Variants in LRRC41 observed in about 807,000 individuals in gnomAD.
LRRC41 encodes the protein leucine rich repeat containing 41.
Under a neutral mutation model 72.1 loss-of-function variants are expected in LRRC41, and 17 were observed. The observed-to-expected ratio is 0.24, with a 90% CI of 0.16 to 0.35. The LOEUF (loss-of-function observed/expected upper bound fraction) is 0.35, where lower values mean the gene tolerates loss of function less well. Ranked by LOEUF, LRRC41 falls within the 10% of genes least tolerant of loss-of-function variation. LRRC41 has a pLI of 1.00. For synonymous variants in LRRC41, 427 were observed against 431.0 expected (o/e 0.99, Z 0.11); for missense variants, 759 against 1,065.0 (o/e 0.71, Z 4.00).
rs772721506 is a variant in LRRC41, at chr1:46,285,329, T to G, written c.1495+33A>C. 1.2e-6 allele frequency: 2 copies of G among 1,608,692 alleles called. No homozygotes were observed. Among genetic ancestry groups the G allele is most frequent in the South Asian group, 2.2e-5 (2 of 90,208 alleles). ...ACACAGCTGGTGCTGCTAGGCAATC[T>G]AAGCCCAATCCCTGCCACTCCAGGG... On this transcript the variant is annotated intron_variant, in intron 4 of 9. Transcript: ENST00000617190. This position sits in a 1 kb window ranked among gnomAD's most constrained non-coding sequence, Gnocchi z 5.3.
At chr1:46,295,480 G>A (rs575475156) in intron 3 of LRRC41, among the ~76,000 whole-genome samples, 23 of 152,304 alleles carry the variant, frequency 1.5e-4, no homozygotes, top group African/African-American at 5.3e-4. Context: ...GCATGGAACT[G>A]AGCAGGCACT....
At chr1:46,289,857 G>A (rs1239700986) in intron 3 of LRRC41, among the ~76,000 whole-genome samples, 3 of 152,216 alleles carry the variant, frequency 2.0e-5, no homozygotes, top group Non-Finnish European at 4.4e-5. Flanking sequence ...CTATCACGAT[G>A]CAAAGTGATT....
At position 46,278,270 on chromosome 1, in the gene LRRC41, G is replaced by T; in HGVS notation, c.*595C>A. ...ACCAGCGTTCTCATGAGGAGCAGCG[G>T]GGCCTCCGCTGATAACCAGCTGGTC... is the stretch of plus-strand genomic sequence containing the variant. On this transcript the variant is annotated 3_prime_UTR_variant, in exon 10 of 10. Coordinates refer to ENST00000617190, the MANE Select transcript of LRRC41 (RefSeq NM_006369.5). The T allele has an allele frequency of 1.2e-6, 2 of 1,612,832 alleles. No individual in the cohort carries two copies. The highest frequency in any genetic ancestry group is 1.7e-6 in the Non-Finnish European group (2 of 1,179,652).
At chr1:46,300,249 T>C (rs1661196691) in intron 1 of LRRC41, 1 of 152,250 alleles carries the variant, frequency 6.6e-6, no homozygotes, top group East Asian at 1.9e-4. Context: ...GGAGAATTGC[T>C]TGAGCCCAGA....
At position 46,297,548 on chromosome 1, in the gene LRRC41, G is replaced by A. The variant is rs1426603441; in HGVS notation, c.357+15C>T. The A allele has an allele frequency of 2.5e-6, 4 of 1,610,808 alleles. No individual in the cohort carries two copies. In the African/African-American group the frequency reaches 4.0e-5, roughly 16 times the overall value. ...GCAAAATCAGGCTAGCATTCTACCT[G>A]ATACCTTAACTTACTTCCAAACTGG... On this transcript the variant is annotated intron_variant, in intron 3 of 9. Coordinates refer to ENST00000617190, the MANE Select transcript of LRRC41 (RefSeq NM_006369.5).
intron 3 of LRRC41, among the ~76,000 whole-genome samples, chr1:46,296,058 A>C (rs1275247482): frequency 6.6e-6 from 1 of 152,152 alleles, no homozygotes; most frequent in Non-Finnish European, 1.5e-5. Flanking sequence ...CAACCTTCTT[A>C]CTATCCTCTA....
chr1:46,282,883 AT>A (rs1305218402), intron 4 of LRRC41, among the ~76,000 whole-genome samples: 1 of 152,076 alleles, frequency 6.6e-6, no homozygotes, highest in Non-Finnish European at 1.5e-5. Flanking sequence ...AAATACAAAA[AT>A]TAGCTGGGCA....
At chr1:46,280,030 A>C (rs1660736649) in intron 7 of LRRC41, among the ~76,000 whole-genome samples, 162 bp downstream of exon 7, 1 of 152,114 alleles carries the variant, frequency 6.6e-6, no homozygotes, top group African/African-American at 2.4e-5. Context: ...GTAGAGGAGG[A>C]ATTGAGGTTG....
chr1:46,294,246 T>C (rs760761868), intron 3 of LRRC41, among the ~76,000 whole-genome samples: 1 of 151,844 alleles, frequency 6.6e-6, no homozygotes, highest in Non-Finnish European at 1.5e-5. Flanking sequence ...TAGCTGGGAC[T>C]ACAGGTGCAC....
rs989701365 is a variant in LRRC41, at chr1:46,279,463, C to T, written c.2143+29G>A. On this transcript the variant is annotated intron_variant, in intron 8 of 9. Coordinates refer to ENST00000617190, the MANE Select transcript of LRRC41 (RefSeq NM_006369.5). The surrounding 1 kb of genome is among the most constrained non-coding windows in gnomAD (Gnocchi z 4.5). ...TAGGTCAAAGGCCTAGCTCCTTTCC[C>T]CTCTCCCTCCCCAGGGTCTGGCCCC... 4 of 1,614,042 alleles carry T rather than the reference C, an allele frequency of 2.5e-6. No homozygotes were observed. The highest frequency in any genetic ancestry group is 2.7e-5 in the African/African-American group (2 of 74,914).
chr1:46,302,121 C>T lies in LRRC41; in HGVS notation c.199+1003G>A, dbSNP rs1310822342. 1 of 985,274 alleles carries T rather than the reference C, an allele frequency of 1.0e-6. No homozygotes were observed. Among genetic ancestry groups the T allele is most frequent in the African/African-American group, 1.7e-5 (1 of 57,244 alleles). The allele number at this position is 985,274 out of a possible 1,614,324, so 61.0% of individuals were successfully genotyped here. On this transcript the variant is annotated intron_variant, in intron 1 of 9. Coordinates refer to ENST00000617190, the MANE Select transcript of LRRC41 (RefSeq NM_006369.5). The surrounding 1 kb of genome is among the most constrained non-coding windows in gnomAD (Gnocchi z 4.7). ...CCTCCCCGGCCGTTCATCCCGGCGC[C>T]CCAGGCCGCCCTCCATCCAGGCCCG...
Position 46,278,229 on chromosome 1 carries a change from A to G in LRRC41, c.*636T>C, listed in dbSNP as rs756034556. 1.2e-6 allele frequency: 2 copies of G among 1,613,960 alleles called. No individual in the cohort carries two copies. The highest frequency in any genetic ancestry group is 2.2e-5 in the East Asian group (1 of 44,870). On this transcript the variant is annotated 3_prime_UTR_variant, in exon 10 of 10. Transcript: ENST00000617190. ...TGCCTGGGATGCTGCCTCCACTGCC[A>G]TCACCTTCGTCTTCCACCAGCGTTC...
intron 1 of LRRC41, chr1:46,299,164 G>A (rs527452813): frequency 1.3e-5 from 2 of 152,328 alleles, no homozygotes; most frequent in East Asian, 3.9e-4. Flanking sequence ...TTGGCCTCTA[G>A]AGTAGGACAA....
At chr1:46,284,612 AAAG>A (rs1660846951) in intron 4 of LRRC41, among the ~76,000 whole-genome samples, 1 of 152,078 alleles carries the variant, frequency 6.6e-6, no homozygotes, top group South Asian at 2.1e-4. Flanking sequence ...CTATTCTGGT[AAAG>A]AAGGATGAGT....
intron 3 of LRRC41, among the ~76,000 whole-genome samples, chr1:46,292,126 C>T (rs890985907): frequency 6.6e-6 from 1 of 151,802 alleles, no homozygotes; most frequent in Non-Finnish European, 1.5e-5. Context: ...CCAGCCTGGC[C>T]AATGTGGTGA....
intron 3 of LRRC41, among the ~76,000 whole-genome samples, chr1:46,289,233 G>C (rs1275041324): frequency 6.6e-6 from 1 of 152,216 alleles, no homozygotes; most frequent in Non-Finnish European, 1.5e-5. Context: ...TCCAGAAGCA[G>C]ACTGCTTCAA....
intron 4 of LRRC41, among the ~76,000 whole-genome samples, chr1:46,281,900 G>A (rs935321665): frequency 3.3e-5 from 5 of 152,170 alleles, no homozygotes; most frequent in Admixed American, 2.0e-4. Flanking sequence ...CCAACATGGT[G>A]AAACCCTGTC....
intron 1 of LRRC41, chr1:46,301,833 C>T (rs879432582): frequency 8.5e-6 from 4 of 472,054 alleles, no homozygotes; most frequent in Non-Finnish European, 1.1e-5. Flanking sequence ...TCCTGCCCCC[C>T]TCCCCAGCAG....
intron 4 of LRRC41, among the ~76,000 whole-genome samples, chr1:46,282,127 G>A (rs538732786): frequency 2.0e-5 from 3 of 152,088 alleles, no homozygotes; most frequent in East Asian, 1.9e-4. Flanking sequence ...TGAATGAGAC[G>A]CTTGCTTGTT....
Sources: gnomAD v4.1 joint callset for allele counts (sites outside exome capture counted in the v4.1 genomes callset) on GRCh38, gnomAD v4.1.1 for gene constraint, Gnocchi (gnomAD v3.1) non-coding constraint, MANE v1.5 for transcripts, NCBI Gene and HGNC (gene_info 2026-07-23, HGNC 2026-07-21) for gene names.